Variants in TEKT5 observed in about 807,000 individuals in gnomAD.
TEKT5 encodes tektin 5.
A neutral mutation model predicts 48.7 loss-of-function variants in TEKT5; 52 were observed. That is an observed-to-expected ratio of 1.07 (90% CI 0.86 to 1.35). The LOEUF (loss-of-function observed/expected upper bound fraction) is 1.35, where lower values mean the gene tolerates loss of function less well. Ranked by LOEUF, TEKT5 falls within the 40% of genes most tolerant of loss-of-function variation. The pLI is 0.00. For missense variants in TEKT5, 831 were observed against 641.6 expected, an observed-to-expected ratio of 1.30 and a Z score of -3.19; for synonymous variants, 318 against 267.6, an observed-to-expected ratio of 1.19 and a Z score of -1.84.
At chr16:10,638,424 A>G (rs537674921) in intron 5 of TEKT5, among the ~76,000 whole-genome samples, 28 of 151,000 alleles carry the variant, frequency 1.9e-4, no homozygotes, top group African/African-American at 6.7e-4. Flanking sequence ...GGCTGTCTTG[A>G]CACCCCTTCC....
chr16:10,683,737 C>G (rs1296869396), intron 3 of TEKT5, among the ~76,000 whole-genome samples: 1 of 152,072 alleles, frequency 6.6e-6, no homozygotes, highest in Non-Finnish European at 1.5e-5. Flanking sequence ...ATTACAGGCA[C>G]CCGCCACCAC....
intron 6 of TEKT5, among the ~76,000 whole-genome samples, chr16:10,630,524 G>C (rs1183249465): frequency 6.6e-6 from 1 of 152,192 alleles, no homozygotes; most frequent in Non-Finnish European, 1.5e-5. Flanking sequence ...GAGCAGAGAA[G>C]AAAGATAAGA....
At chr16:10,690,426 C>A (rs948300204) in intron 1 of TEKT5, among the ~76,000 whole-genome samples, 1 of 152,194 alleles carries the variant, frequency 6.6e-6, no homozygotes, top group Admixed American at 6.5e-5. Context: ...TGACTTCAAT[C>A]GGGGCTTGAC....
Position 10,694,449 on chromosome 16 carries a change from C to T in TEKT5, c.425G>A (p.Gly142Asp). ...QMQEGTCRNL[G>D]QRLSDIGFWK... ...GAAGCCAATGTCCGACAGCCTCTGG[C>T]CCAGGTTCCGGCAGGTGCCCTCCTG... The change falls in exon 1 of 7, where the codon GGC becomes GAC. Residue 142 changes from glycine to aspartate, a missense_variant. Transcript: ENST00000283025. 4 of 1,614,192 alleles carry T rather than the reference C, an allele frequency of 2.5e-6. No individual in the cohort carries two copies. The highest frequency in any genetic ancestry group is 3.4e-6 in the Non-Finnish European group (4 of 1,180,034).
chr16:10,643,422 G>T (rs1396382138), intron 5 of TEKT5, among the ~76,000 whole-genome samples: 1 of 151,926 alleles, frequency 6.6e-6, no homozygotes, highest in South Asian at 2.1e-4. Flanking sequence ...AAAATTTACT[G>T]TATGATTATA....
chr16:10,676,125 T>G lies in TEKT5; in HGVS notation c.920A>C (p.Gln307Pro), dbSNP rs1458583507. 1.4e-5 allele frequency: 23 copies of G among 1,614,020 alleles called. No homozygotes were observed. The highest frequency in any genetic ancestry group is 1.9e-5 in the Non-Finnish European group (23 of 1,179,960). The change falls in exon 5 of 7, where the codon CAG (glutamine) becomes CCG (proline). Residue 307 changes from glutamine to proline, a missense_variant. Gln to Pro is a moderately conservative substitution (Grantham distance 76). Transcript: ENST00000283025. ...KFSNDNIKHS[Q>P]NMRANSIQLR... ...CTGGATGGAGTTGGCCCGCATGTTCTGAGAGTGTTTGATGTTGTCGTTACT... is the reference window on the plus strand; with the variant it reads ...CTGGATGGAGTTGGCCCGCATGTTCGGAGAGTGTTTGATGTTGTCGTTACT...
intron 3 of TEKT5, 25 bp from the exon 4 acceptor site, chr16:10,682,161 T>C (rs2142308628): frequency 2.5e-6 from 4 of 1,612,048 alleles, no homozygotes; most frequent in Non-Finnish European, 3.4e-6. Context: ...GAGTCATTCC[T>C]GGACTATGCA....
intron 5 of TEKT5, among the ~76,000 whole-genome samples, chr16:10,660,151 G>T (rs916679446): frequency 1.3e-5 from 2 of 152,138 alleles, no homozygotes; most frequent in South Asian, 4.1e-4. Flanking sequence ...CTCCAGTATG[G>T]GATCCAATTT....
At chr16:10,673,686 T>C (rs1372696151) in intron 5 of TEKT5, among the ~76,000 whole-genome samples, 1 of 148,770 alleles carries the variant, frequency 6.7e-6, no homozygotes, top group Non-Finnish European at 1.5e-5. Context: ...ATTCTCACTC[T>C]GTCTCCCACG....
At chr16:10,666,128 G>A (rs896201038) in intron 5 of TEKT5, among the ~76,000 whole-genome samples, 1 of 152,130 alleles carries the variant, frequency 6.6e-6, no homozygotes, top group Non-Finnish European at 1.5e-5. Context: ...TAGGGGTGTG[G>A]ATGCCCTGAA....
intron 5 of TEKT5, among the ~76,000 whole-genome samples, chr16:10,670,372 C>G (rs1156264632): frequency 6.6e-6 from 1 of 152,012 alleles, no homozygotes; most frequent in Non-Finnish European, 1.5e-5. Flanking sequence ...ACTAAAAATA[C>G]AAAAATTAGC....
At position 10,680,271 on chromosome 16, in the gene TEKT5, T is replaced by C. The variant is rs998972919; in HGVS notation, c.863+1722A>G. Among the ~76,000 whole-genome samples, 8 of 152,240 alleles carry C rather than the reference T, an allele frequency of 5.3e-5. No individual in the cohort carries two copies. In the East Asian group the frequency reaches 5.8e-4, roughly 11 times the overall value. On this transcript the variant is annotated intron_variant, in intron 4 of 6. Transcript: ENST00000283025. ...AAGGGTCACCTCAGCACTGTGACATTTGTAAGATCCAGAAAGTGACCCCAG... is the reference window on the plus strand; with the variant it reads ...AAGGGTCACCTCAGCACTGTGACATCTGTAAGATCCAGAAAGTGACCCCAG...
chr16:10,628,012 G>T (rs900032516), intron 6 of TEKT5, among the ~76,000 whole-genome samples: 1 of 136,274 alleles, frequency 7.3e-6, no homozygotes, highest in Admixed American at 7.7e-5. Flanking sequence ...GCTAATTTTT[G>T]TATTTTTTTT....
intron 3 of TEKT5, among the ~76,000 whole-genome samples, chr16:10,682,478 C>T (rs1191945006): frequency 6.6e-6 from 1 of 152,176 alleles, no homozygotes; most frequent in Non-Finnish European, 1.5e-5. Flanking sequence ...CAGGCATGGG[C>T]CACCAAGCCC....
chr16:10,679,021 C>T (rs547382998), intron 4 of TEKT5, among the ~76,000 whole-genome samples: 169 of 152,274 alleles, frequency 1.1e-3, no homozygotes, highest in African/African-American at 3.8e-3. Context: ...CACAGCTCTG[C>T]CATTTGCTGT....
intron 5 of TEKT5, among the ~76,000 whole-genome samples, chr16:10,651,757 C>T (rs1429835468): frequency 4.6e-5 from 7 of 152,004 alleles, no homozygotes; most frequent in East Asian, 3.9e-4. Flanking sequence ...ATCAGGGGTT[C>T]GAGACCAGCC....
rs1271074042 is a variant in TEKT5 at position 10,627,948 on chromosome 16, T to C, written c.1242-149A>G. 4.8e-6 allele frequency: 3 copies of C among 623,668 alleles called. No homozygotes were observed. In the African/African-American group the frequency reaches 5.6e-5, roughly 12 times the overall value. The allele number at this position is 623,668 out of a possible 1,614,324, so 38.6% of individuals were successfully genotyped here. ...ACCTCTGCCTCCCGGGTTCAAGTAA[T>C]TCTGCCTCAGCCTCCCGAGTAGCTG... On this transcript the variant is annotated intron_variant, in intron 6 of 6. Coordinates refer to ENST00000283025, the MANE Select transcript of TEKT5 (RefSeq NM_144674.2).
At chr16:10,673,326 C>T (rs1279643556) in intron 5 of TEKT5, among the ~76,000 whole-genome samples, 3 of 152,154 alleles carry the variant, frequency 2.0e-5, no homozygotes, top group Non-Finnish European at 4.4e-5. Flanking sequence ...GGAACACAGC[C>T]ACACTCATTT....
At chr16:10,654,144 A>C (rs1005388230) in intron 5 of TEKT5, among the ~76,000 whole-genome samples, 3 of 152,050 alleles carry the variant, frequency 2.0e-5, no homozygotes, top group Non-Finnish European at 4.4e-5. Flanking sequence ...TCAACATCCC[A>C]GGCTCAAGGG....
Sources: gnomAD v4.1 joint callset for allele counts (sites outside exome capture counted in the v4.1 genomes callset) on GRCh38, gnomAD v4.1.1 for gene constraint, MANE v1.5 for transcripts, NCBI Gene and HGNC (gene_info 2026-07-23, HGNC 2026-07-21) for gene names.